The following WDR41 variants were observed in gnomAD, a reference collection of about 807,000 sequenced individuals.
WDR41 encodes the protein WD repeat domain 41.
In WDR41, 63 loss-of-function variants were observed where a neutral mutation model predicts 69.3. The ratio of observed to expected loss-of-function variants is 0.91; its 90% confidence interval spans 0.74 to 1.12. The LOEUF (loss-of-function observed/expected upper bound fraction) is 1.12. Among genes scored for constraint, WDR41 ranks in the 50% most tolerant of loss-of-function variants. The pLI, the probability that WDR41 is intolerant of heterozygous loss-of-function variation, is 0.00. For synonymous variants in WDR41, 185 were observed against 192.1 expected, an observed-to-expected ratio of 0.96 and a Z score of 0.31; for missense variants, 543 against 534.5, an observed-to-expected ratio of 1.02 and a Z score of -0.16.
intron 1 of WDR41, among the ~76,000 whole-genome samples, chr5:77,554,078 TCTA>T (rs1387262849): frequency 1.3e-5 from 2 of 152,218 alleles, no homozygotes; most frequent in African/African-American, 4.8e-5. Flanking sequence ...AACATGGAAT[TCTA>T]CTAAGCAATA....
At chr5:77,446,454 C>A (rs1197663346) in intron 8 of WDR41, among the ~76,000 whole-genome samples, 3 of 151,902 alleles carry the variant, frequency 2.0e-5, no homozygotes, top group African/African-American at 7.2e-5. Context: ...TCAAAGAAGA[C>A]CCCGTATAGC....
At chr5:77,482,227 G>A (rs775767453) in intron 2 of WDR41, among the ~76,000 whole-genome samples, 5 of 152,122 alleles carry the variant, frequency 3.3e-5, no homozygotes, top group Non-Finnish European at 7.4e-5. Context: ...CCTAGTCACT[G>A]TATTTCATTT....
intron 2 of WDR41, among the ~76,000 whole-genome samples, chr5:77,475,106 G>A (rs533621734): frequency 6.6e-5 from 10 of 152,264 alleles, no homozygotes; most frequent in South Asian, 4.1e-4. Context: ...GCGCTTTTCC[G>A]ACGGGCTTAA....
At chr5:77,561,507 AAT>A (rs1743523731) in intron 1 of WDR41, among the ~76,000 whole-genome samples, 1 of 152,108 alleles carries the variant, frequency 6.6e-6, no homozygotes, top group African/African-American at 2.4e-5. Context: ...ACATTTAAAT[AAT>A]GTTTCTATTA....
intron 1 of WDR41, among the ~76,000 whole-genome samples, chr5:77,541,769 A>T (rs1228978244): frequency 6.6e-6 from 1 of 152,188 alleles, no homozygotes; most frequent in Non-Finnish European, 1.5e-5. Context: ...TTGGGATTAG[A>T]AGCATGAGCA....
At chr5:77,569,306 A>T (rs1026653997) in intron 1 of WDR41, among the ~76,000 whole-genome samples, 1 of 152,186 alleles carries the variant, frequency 6.6e-6, no homozygotes, top group Admixed American at 6.5e-5. Flanking sequence ...ATGCCTTTCT[A>T]TATGGGCTTT....
At chr5:77,473,046 C>CA (rs1800705265) in intron 2 of WDR41, among the ~76,000 whole-genome samples, 1 of 151,962 alleles carries the variant, frequency 6.6e-6, no homozygotes, top group Non-Finnish European at 1.5e-5. Context: ...GTAACCAAAA[C>CA]AGCATGATAC....
intron 1 of WDR41, among the ~76,000 whole-genome samples, chr5:77,607,696 T>C (rs1052543428): frequency 6.6e-6 from 1 of 152,258 alleles, no homozygotes; most frequent in Admixed American, 6.5e-5. Flanking sequence ...TATGGATTTT[T>C]TAAATGATGT....
upstream of WDR41, among the ~76,000 whole-genome samples, chr5:77,493,702 T>C (rs1801892162): frequency 6.6e-6 from 1 of 152,184 alleles, no homozygotes; most frequent in African/African-American, 2.4e-5. Flanking sequence ...GAGGGACTTA[T>C]CTTTAAGTAA....
chr5:77,585,932 A>G (rs1057183123), intron 1 of WDR41, among the ~76,000 whole-genome samples: 2 of 152,182 alleles, frequency 1.3e-5, no homozygotes, highest in Admixed American at 1.3e-4. Context: ...AAGAACTTAT[A>G]TAACCAAATA....
At chr5:77,594,159 G>GC (rs1027750759) in intron 1 of WDR41, among the ~76,000 whole-genome samples, 9 of 149,864 alleles carry the variant, frequency 6.0e-5, no homozygotes, top group African/African-American at 2.0e-4. Context: ...GCAAACTATC[G>GC]CAAGGACAAA....
rs549649647 is a variant in WDR41 at position 77,537,311 on chromosome 5, T to A, written c.43-47739A>T. On this transcript the variant is annotated intron_variant, in intron 1 of 5. Transcript: ENST00000509971. Reference sequence around the variant, plus strand: ...TGGCTGATATGAAGGAACAAGTTTTTACTCACCAGTCCCTGGAAATAGGAG... The same window carrying A: ...TGGCTGATATGAAGGAACAAGTTTTAACTCACCAGTCCCTGGAAATAGGAG... 7.9e-5 allele frequency among the ~76,000 whole-genome samples: 12 copies of A among 152,308 alleles called. No homozygotes were observed. In the South Asian group the frequency reaches 2.3e-3, roughly 29 times the overall value.
At chr5:77,530,737 T>C (rs1802515201) in intron 1 of WDR41, among the ~76,000 whole-genome samples, 2 of 151,800 alleles carry the variant, frequency 1.3e-5, no homozygotes, top group South Asian at 4.1e-4. Context: ...TTTCATTATA[T>C]GTAAAATTTA....
intron 4 of WDR41, among the ~76,000 whole-genome samples, chr5:77,460,706 C>A (rs1027372450): frequency 6.6e-5 from 10 of 152,232 alleles, no homozygotes; most frequent in Admixed American, 2.6e-4. Flanking sequence ...ACACCTTATA[C>A]ATATAGCCTG....
At chr5:77,480,194 G>A (rs1581752199) in intron 2 of WDR41, 1 of 152,290 alleles carries the variant, frequency 6.6e-6, no homozygotes, top group East Asian at 1.9e-4. Context: ...GAGAGGCTGT[G>A]GGGAAATAGA....
chr5:77,457,618 T>C (rs1017186883), intron 5 of WDR41, among the ~76,000 whole-genome samples: 2 of 152,132 alleles, frequency 1.3e-5, no homozygotes, highest in African/African-American at 4.8e-5. Context: ...GGGAAGATCA[T>C]ATCAATTTAT....
chr5:77,463,056 C>T lies in WDR41; in HGVS notation c.348+39G>A, dbSNP rs377661232. ...ATAGTGTATGTAGTGGCTCCTTAGG[C>T]CACTACAGCTTGTTCATTTCTTCCA... On this transcript the variant is annotated intron_variant, in intron 4 of 12. Coordinates refer to ENST00000296679, the MANE Select transcript of WDR41 (RefSeq NM_018268.4). 5.7e-5 allele frequency: 92 copies of T among 1,605,864 alleles called. No individual in the cohort carries two copies. In the African/African-American group the frequency reaches 1.1e-3, roughly 19 times the overall value.
chr5:77,550,752 T>G lies in WDR41; in HGVS notation c.43-61180A>C, dbSNP rs1466183594. Among the ~76,000 whole-genome samples the G allele has an allele frequency of 2.6e-5, 4 of 151,942 alleles. No homozygotes were observed. The East Asian group carries it at 7.7e-4, about 29-fold the overall frequency. ...TTACTGAATTATAACCAAAGACAAA[T>G]AAATCATTCTACCAAAAAGACACAT... On this transcript the variant is annotated intron_variant, in intron 1 of 5. Coordinates refer to the WDR41 transcript ENST00000509971.
intron 1 of WDR41, among the ~76,000 whole-genome samples, chr5:77,587,900 G>C (rs183412524): frequency 7.2e-5 from 11 of 152,290 alleles, no homozygotes; most frequent in Admixed American, 6.5e-4. Context: ...CCATCTCCAA[G>C]TCAAGGAGAA....
Sources: gnomAD v4.1 joint callset for allele counts (sites outside exome capture counted in the v4.1 genomes callset) on GRCh38, gnomAD v4.1.1 for gene constraint, MANE v1.5 for transcripts, NCBI Gene and HGNC (gene_info 2026-07-23, HGNC 2026-07-21) for gene names.